The following SLC39A12 variants were observed in gnomAD, a reference collection of about 807,000 sequenced individuals.
SLC39A12 encodes the protein zinc transporter ZIP12.
In SLC39A12, 63 loss-of-function variants were observed where a neutral mutation model predicts 71.1. The observed-to-expected ratio is 0.89, with a 90% CI of 0.72 to 1.09. The LOEUF is 1.09. Among genes scored for constraint, SLC39A12 ranks in the 50% least tolerant of loss-of-function variants. The pLI is 0.00. For synonymous variants in SLC39A12, 351 were observed against 301.3 expected (o/e 1.16, Z -1.71); for missense variants, 892 against 812.6 (o/e 1.10, Z -1.19).
chr10:17,957,293 G>C (rs148234593), intron 2 of SLC39A12, among the ~76,000 whole-genome samples: 2 of 152,248 alleles, frequency 1.3e-5, no homozygotes, highest in African/African-American at 4.8e-5. Flanking sequence ...CATGTGATGT[G>C]GCTCCAGGAT....
chr10:17,965,681 C>T lies in SLC39A12; in HGVS notation c.742C>T (p.Arg248Cys), dbSNP rs187451149. Residue 248 changes from arginine (R) to cysteine (C), a missense_variant, in exon 4 of 13, where the codon CGC (arginine) becomes TGC (cysteine). Arg to Cys is a radical substitution (Grantham distance 180). Transcript: ENST00000377369. ...TTCCTTGAATCGTACGAATACCCTC[C>T]GCCTATCAGGTAAGGATGTTTTCAC... ...FSSLNRTNTL[R>C]LSELDQLLNT... 1.1e-4 allele frequency: 184 copies of T among 1,612,186 alleles called. 2 individuals carry two copies. Among genetic ancestry groups the T allele is most frequent in the South Asian group, 6.0e-4 (55 of 90,960 alleles).
chr10:18,018,446 C>G (rs1836443142), intron 12 of SLC39A12, among the ~76,000 whole-genome samples: 1 of 152,130 alleles, frequency 6.6e-6, no homozygotes, highest in Non-Finnish European at 1.5e-5. Context: ...AGGGCTCATC[C>G]TTGCCTTTCT....
At chr10:17,987,441 C>T in intron 6 of SLC39A12, 38 bp from the exon 7 acceptor site, 4 of 1,606,042 alleles carry the variant, frequency 2.5e-6, no homozygotes, top group Non-Finnish European at 3.4e-6. Flanking sequence ...ATGGAGGGCA[C>T]TGGGCACTGA....
At chr10:17,976,734 T>C (rs1835120188) in intron 4 of SLC39A12, among the ~76,000 whole-genome samples, 1 of 152,188 alleles carries the variant, frequency 6.6e-6, no homozygotes. Flanking sequence ...CTCAAGATTT[T>C]ATCTTTGACT....
At chr10:17,969,929 A>G (rs912847776) in intron 4 of SLC39A12, among the ~76,000 whole-genome samples, 1 of 152,124 alleles carries the variant, frequency 6.6e-6, no homozygotes, top group Non-Finnish European at 1.5e-5. Flanking sequence ...CTTAGATTTA[A>G]GTCTTTAATC....
At chr10:17,999,781 C>T (rs1315443617) in intron 10 of SLC39A12, among the ~76,000 whole-genome samples, 2 of 152,090 alleles carry the variant, frequency 1.3e-5, no homozygotes, top group Non-Finnish European at 2.9e-5. Flanking sequence ...ACTTTGGGGC[C>T]AGAAACGTTG....
At chr10:18,024,699 G>A (rs935068320) in intron 12 of SLC39A12, among the ~76,000 whole-genome samples, 3 of 152,098 alleles carry the variant, frequency 2.0e-5, no homozygotes, top group South Asian at 2.1e-4. Context: ...TCTGATGGAC[G>A]AATGTTAAAG....
intron 4 of SLC39A12, among the ~76,000 whole-genome samples, chr10:17,974,909 G>C (rs564908802): frequency 1.3e-5 from 2 of 151,916 alleles, no homozygotes; most frequent in South Asian, 2.1e-4. Context: ...CCAGGAACTA[G>C]AGTCAAAACC....
Position 17,953,407 on chromosome 10 carries a change from C to G in SLC39A12, c.131C>G (p.Ala44Gly). ...SRSRGSSGQP[A>G]DLLQVLSAGD... is the part of the protein sequence containing the mutation. Reference sequence around the variant, plus strand: ...AGCCGTGGGAGTTCAGGCCAACCGGCAGACCTGCTACAGGTTCTCTCTGCT... The same window carrying G: ...AGCCGTGGGAGTTCAGGCCAACCGGGAGACCTGCTACAGGTTCTCTCTGCT... The change falls in exon 2 of 13, where the codon GCA (alanine) becomes GGA (glycine). Residue 44 changes from alanine to glycine, a missense_variant. Ala to Gly is a moderately conservative substitution (Grantham distance 60). Transcript: ENST00000377369. The G allele has an allele frequency of 6.2e-7, 1 of 1,614,168 alleles. No homozygotes were observed. Among genetic ancestry groups the G allele is most frequent in the South Asian group, 1.1e-5 (1 of 91,076 alleles).
At chr10:18,040,769 C>CAAAAAA (rs34842202) in intron 12 of SLC39A12, among the ~76,000 whole-genome samples, 6 of 94,684 alleles carry the variant, frequency 6.3e-5, no homozygotes, top group East Asian at 3.1e-4. Flanking sequence ...AACTCCATCT[C>CAAAAAA]AAAAAAAAAA....
chr10:17,967,533 TA>T (rs1463785095), intron 4 of SLC39A12, among the ~76,000 whole-genome samples: 1 of 152,166 alleles, frequency 6.6e-6, no homozygotes, highest in Middle Eastern at 3.2e-3. Context: ...TGACAGTTTT[TA>T]AAATAATAAC....
At chr10:18,036,361 T>C (rs141945158) in intron 12 of SLC39A12, among the ~76,000 whole-genome samples, 19,144 of 152,110 alleles carry the variant, frequency 0.13, 2,162 homozygotes, top group African/African-American at 0.29. Flanking sequence ...TGCGCCGTTT[T>C]TTTAAGCCGG....
rs141543155 is a variant in SLC39A12, at chr10:17,967,148, A to G, written c.751+1458A>G. Among the ~76,000 whole-genome samples the G allele has an allele frequency of 3.1e-3, 465 of 152,070 alleles. 2 individuals carry two copies. Among genetic ancestry groups the G allele is most frequent in the African/African-American group, 0.011 (451 of 41,518 alleles). ...TTTTGTTGCAAGTTTTTTTTTGTTGAAAAACAAAGGGGGTTGGTTTTCATA... is the reference window on the plus strand; with the variant it reads ...TTTTGTTGCAAGTTTTTTTTTGTTGGAAAACAAAGGGGGTTGGTTTTCATA... On this transcript the variant is annotated intron_variant, in intron 4 of 12. Coordinates refer to ENST00000377369, the MANE Select transcript of SLC39A12 (RefSeq NM_001145195.2).
intron 4 of SLC39A12, among the ~76,000 whole-genome samples, chr10:17,971,867 T>A (rs1287917986): frequency 6.6e-6 from 1 of 152,194 alleles, no homozygotes; most frequent in African/African-American, 2.4e-5. Flanking sequence ...TCTTTGCTTC[T>A]ACTCATTTTA....
At chr10:18,008,643 T>A (rs1011764773) in intron 12 of SLC39A12, 5 of 152,144 alleles carry the variant, frequency 3.3e-5, no homozygotes, top group African/African-American at 1.2e-4. Flanking sequence ...TATTCCCTGG[T>A]GCATTCTCCC....
At chr10:18,027,858 A>C (rs967364455) in intron 12 of SLC39A12, among the ~76,000 whole-genome samples, 3 of 152,214 alleles carry the variant, frequency 2.0e-5, no homozygotes, top group Non-Finnish European at 4.4e-5. Flanking sequence ...TTGTTGTTAG[A>C]TGCCTGCCTT....
chr10:18,042,972 A>G lies in SLC39A12; in HGVS notation c.*139A>G, dbSNP rs1837302241. 1 of 606,280 alleles carries G rather than the reference A, an allele frequency of 1.6e-6. No homozygotes were observed. The highest frequency in any genetic ancestry group is 2.4e-6 in the Non-Finnish European group (1 of 408,650). 37.6% of individuals were successfully genotyped at this position (606,280 alleles called of 1,614,324 possible). On this transcript the variant is annotated 3_prime_UTR_variant, in exon 13 of 13. Coordinates refer to ENST00000377369, the MANE Select transcript of SLC39A12 (RefSeq NM_001145195.2). ...TCTCTTTCAATTCATTAACTTATTAATTTTATAATGCAGTTTTATTTTTGG... is the reference window on the plus strand; with the variant it reads ...TCTCTTTCAATTCATTAACTTATTAGTTTTATAATGCAGTTTTATTTTTGG...
At chr10:17,984,110 A>G (rs1355751458) in intron 6 of SLC39A12, among the ~76,000 whole-genome samples, 1 of 152,212 alleles carries the variant, frequency 6.6e-6, no homozygotes, top group Non-Finnish European at 1.5e-5. Context: ...TGTTGTAATA[A>G]TGGGAAACTT....
At chr10:17,976,575 G>A (rs1035553170) in intron 4 of SLC39A12, among the ~76,000 whole-genome samples, 10 of 151,840 alleles carry the variant, frequency 6.6e-5, no homozygotes, top group Non-Finnish European at 1.3e-4. Flanking sequence ...CTGCCACCAC[G>A]CCTGGCTAAT....
Sources: allele counts gnomAD v4.1 joint callset (sites outside exome capture counted in the v4.1 genomes callset), GRCh38; gene constraint gnomAD v4.1.1; transcripts MANE v1.5; gene names NCBI Gene and HGNC (gene_info 2026-07-23, HGNC 2026-07-21).